UNC93A: variants seen among roughly 807,000 people sequenced by gnomAD.
The protein encoded by UNC93A is N-acetylglucosamine transporter UNC93A.
UNC93A carries 43 observed loss-of-function variants against 47.5 expected under a neutral mutation model. The ratio of observed to expected loss-of-function variants is 0.91; its 90% confidence interval spans 0.71 to 1.17. The LOEUF (loss-of-function observed/expected upper bound fraction) is 1.17, where lower values mean the gene tolerates loss of function less well. UNC93A is among the 50% of genes most tolerant of loss of function. The pLI, the probability that UNC93A is intolerant of heterozygous loss-of-function variation, is 0.00. For missense variants in UNC93A, 605 were observed against 577.6 expected (o/e 1.05, Z -0.49); for synonymous variants, 280 against 258.0 (o/e 1.09, Z -0.82).
chr6:167,286,526 G>A (rs533599093), upstream of UNC93A, among the ~76,000 whole-genome samples: 74 of 152,338 alleles, frequency 4.9e-4, 3 homozygotes, highest in African/African-American at 1.8e-3. Flanking sequence ...ACCCAGGATG[G>A]CATTATCTCG....
At chr6:167,314,824 T>G (rs1489701375) in intron 7 of UNC93A, among the ~76,000 whole-genome samples, 1 of 152,176 alleles carries the variant, frequency 6.6e-6, no homozygotes, top group African/African-American at 2.4e-5. Flanking sequence ...AAACCAATGC[T>G]CATCTTAACC....
intron 1 of UNC93A, among the ~76,000 whole-genome samples, chr6:167,281,831 G>T (rs1783639468): frequency 6.6e-6 from 1 of 152,182 alleles, no homozygotes; most frequent in Non-Finnish European, 1.5e-5. Flanking sequence ...GTGGAGCTTG[G>T]CCTGTGTAGC....
intron 1 of UNC93A, among the ~76,000 whole-genome samples, chr6:167,280,499 G>A (rs1328071150): frequency 2.0e-5 from 3 of 152,160 alleles, no homozygotes. Flanking sequence ...CATTCACCCA[G>A]GCACTAGGAG....
intron 7 of UNC93A, among the ~76,000 whole-genome samples, chr6:167,310,615 T>C (rs150228537): frequency 1.7e-4 from 26 of 152,346 alleles, no homozygotes; most frequent in African/African-American, 6.3e-4. Flanking sequence ...GTGCGGTGTC[T>C]CACCCCTGTA....
intron 7 of UNC93A, among the ~76,000 whole-genome samples, chr6:167,311,438 T>G (rs9457297): frequency 0.35 from 53,337 of 152,132 alleles, 9,533 homozygotes; most frequent in East Asian, 0.53. Flanking sequence ...CCTCTCTGCT[T>G]ATTCCCTCAG....
At chr6:167,287,715 G>A (rs1051817454), upstream of UNC93A, among the ~76,000 whole-genome samples, 2 of 145,752 alleles carry the variant, frequency 1.4e-5, no homozygotes, top group Non-Finnish European at 3.0e-5. Flanking sequence ...GTGTGCATAT[G>A]TGTGTGTGTG....
chr6:167,314,655 C>T (rs1451981260), intron 7 of UNC93A, among the ~76,000 whole-genome samples: 1 of 152,108 alleles, frequency 6.6e-6, no homozygotes, highest in African/African-American at 2.4e-5. Context: ...CCCCTCTGCT[C>T]ACTGAGAGAA....
upstream of UNC93A, among the ~76,000 whole-genome samples, chr6:167,289,007 G>C (rs1783793876): frequency 6.6e-6 from 1 of 152,306 alleles, no homozygotes; most frequent in South Asian, 2.1e-4. Flanking sequence ...TTTAAGGACT[G>C]AAGTGGCTAT....
intron 1 of UNC93A, among the ~76,000 whole-genome samples, chr6:167,284,528 C>A (rs1436509532): frequency 1.3e-5 from 2 of 152,298 alleles, no homozygotes; most frequent in African/African-American, 4.8e-5. Flanking sequence ...CATGCCCATC[C>A]TCTCCGCTAA....
chr6:167,301,472 C>T (rs1778238320), intron 4 of UNC93A, among the ~76,000 whole-genome samples: 1 of 152,068 alleles, frequency 6.6e-6, no homozygotes, highest in African/African-American at 2.4e-5. Flanking sequence ...ACAAGAACAC[C>T]CTCTCCCTGG....
At chr6:167,315,006 C>A (rs916238589) in intron 7 of UNC93A, among the ~76,000 whole-genome samples, 181 bp from the exon 8 acceptor site, 8 of 152,162 alleles carry the variant, frequency 5.3e-5, no homozygotes, top group African/African-American at 1.9e-4. Flanking sequence ...TTAACTGAGA[C>A]CTGCCTCAGG....
upstream of UNC93A, among the ~76,000 whole-genome samples, chr6:167,269,116 G>A (rs1198046694): frequency 1.3e-5 from 2 of 152,212 alleles, no homozygotes; most frequent in Non-Finnish European, 2.9e-5. Flanking sequence ...CAGCCGTAGC[G>A]AGGCTGAGAG....
chr6:167,312,578 A>G (rs972680418), intron 7 of UNC93A, among the ~76,000 whole-genome samples: 1 of 152,210 alleles, frequency 6.6e-6, no homozygotes, highest in African/African-American at 2.4e-5. Flanking sequence ...TTAAGGTGGT[A>G]AGACACGGGG....
intron 1 of UNC93A, among the ~76,000 whole-genome samples, chr6:167,275,535 G>T (rs1783525205): frequency 6.6e-6 from 1 of 152,218 alleles, no homozygotes; most frequent in Non-Finnish European, 1.5e-5. Flanking sequence ...AGGAACTCTT[G>T]GTCATGAGAG....
upstream of UNC93A, chr6:167,271,160 G>C (rs535357045): frequency 2.2e-4 from 33 of 152,288 alleles, no homozygotes; most frequent in African/African-American, 7.7e-4. Flanking sequence ...GTCTCCAGGT[G>C]CTTCTGCTGA....
intron 1 of UNC93A, among the ~76,000 whole-genome samples, chr6:167,277,933 C>A (rs888118192): frequency 6.6e-6 from 1 of 152,162 alleles, no homozygotes; most frequent in Non-Finnish European, 1.5e-5. Flanking sequence ...GGCAGAGCCA[C>A]CAGGCGGGCT....
intron 4 of UNC93A, among the ~76,000 whole-genome samples, chr6:167,299,599 C>T (rs1778184426): frequency 6.6e-6 from 1 of 152,220 alleles, no homozygotes; most frequent in Admixed American, 6.5e-5. Flanking sequence ...ACACACCCAA[C>T]TAACCGAGAC....
intron 1 of UNC93A, among the ~76,000 whole-genome samples, chr6:167,274,687 C>A (rs1247585934): frequency 6.6e-6 from 1 of 152,178 alleles, no homozygotes. Context: ...GACATGGGCA[C>A]CTTCTTTAGT....
chr6:167,300,549 G>A (rs1415956011), intron 4 of UNC93A, among the ~76,000 whole-genome samples: 7 of 152,174 alleles, frequency 4.6e-5, no homozygotes, highest in Admixed American at 4.6e-4. Context: ...GTGCTCGTGT[G>A]CAAGGCCCAG....
Sources: gnomAD v4.1 joint callset for allele counts (sites outside exome capture counted in the v4.1 genomes callset) on GRCh38, gnomAD v4.1.1 for gene constraint, MANE v1.5 for transcripts, NCBI Gene and HGNC (gene_info 2026-07-23, HGNC 2026-07-21) for gene names.